The following MAPK10 variants were observed in gnomAD, a reference collection of about 807,000 sequenced individuals.
The protein encoded by MAPK10 is mitogen-activated protein kinase 10, also known as JNK3 alpha protein kinase.
MAPK10 carries 25 observed loss-of-function variants against 59.3 expected under a neutral mutation model. The observed-to-expected ratio is 0.42, with a 90% CI of 0.31 to 0.59. The LOEUF is 0.59. MAPK10 is among the 20% of genes least tolerant of loss of function. MAPK10 has a pLI of 0.15. For missense variants in MAPK10, 351 were observed against 568.9 expected (o/e 0.62, Z 3.90); for synonymous variants, 190 against 200.5 (o/e 0.95, Z 0.44).
intron 4 of MAPK10, among the ~76,000 whole-genome samples, chr4:86,156,665 C>T (rs1380106790): frequency 2.0e-5 from 3 of 151,990 alleles, no homozygotes; most frequent in Admixed American, 1.3e-4. Flanking sequence ...TGTTCCTTGG[C>T]TTGGCAAGAA....
chr4:86,591,095 T>C (rs1236152970), intron 1 of MAPK10, among the ~76,000 whole-genome samples: 1 of 151,954 alleles, frequency 6.6e-6, no homozygotes, highest in Non-Finnish European at 1.5e-5. Flanking sequence ...TATGTATTTA[T>C]TTTTTTTAAA....
At chr4:86,169,928 G>T (rs1420363120) in intron 3 of MAPK10, among the ~76,000 whole-genome samples, 2 of 152,114 alleles carry the variant, frequency 1.3e-5, no homozygotes, top group Non-Finnish European at 2.9e-5. Context: ...TTAAAGAAAA[G>T]AATTTCAACC....
At chr4:86,154,922 A>G (rs1408528476) in intron 4 of MAPK10, among the ~76,000 whole-genome samples, 1 of 152,090 alleles carries the variant, frequency 6.6e-6, no homozygotes, top group Non-Finnish European at 1.5e-5. Context: ...AGCAAGAAAT[A>G]TATATTAAAT....
intron 1 of MAPK10, among the ~76,000 whole-genome samples, chr4:86,491,833 C>T (rs1041782704): frequency 5.3e-5 from 8 of 152,034 alleles, no homozygotes; most frequent in African/African-American, 1.9e-4. Flanking sequence ...CAAAAGAAAA[C>T]TGGTGTGTGT....
intron 2 of MAPK10, among the ~76,000 whole-genome samples, chr4:86,239,399 T>G (rs2092543333): frequency 6.6e-6 from 1 of 152,188 alleles, no homozygotes; most frequent in Non-Finnish European, 1.5e-5. Flanking sequence ...TTTCAATTGT[T>G]TGGAATAGTT....
intron 1 of MAPK10, among the ~76,000 whole-genome samples, chr4:86,591,030 A>G (rs982268946): frequency 3.3e-5 from 5 of 152,184 alleles, no homozygotes; most frequent in African/African-American, 1.2e-4. Context: ...GTCCACTACA[A>G]ATTATATCAT....
intron 2 of MAPK10, among the ~76,000 whole-genome samples, chr4:86,295,742 TTA>T (rs1450197895): frequency 7.0e-6 from 1 of 143,854 alleles, no homozygotes; most frequent in African/African-American, 2.7e-5. Flanking sequence ...ATATATAAAT[TTA>T]TATATATTTT....
intron 1 of MAPK10, among the ~76,000 whole-genome samples, chr4:86,367,662 T>C (rs908000636): frequency 6.6e-6 from 1 of 151,940 alleles, no homozygotes; most frequent in Admixed American, 6.6e-5. Flanking sequence ...TTTTTTTTTT[T>C]GTTTTGTTTT....
intron 11 of MAPK10, among the ~76,000 whole-genome samples, chr4:86,049,078 T>C (rs1342755652): frequency 6.6e-6 from 1 of 152,064 alleles, no homozygotes; most frequent in African/African-American, 2.4e-5. Context: ...ATATGAGATG[T>C]TTATCAGAAA....
chr4:86,394,478 G>A (rs938404642), intron 1 of MAPK10, among the ~76,000 whole-genome samples: 4 of 151,910 alleles, frequency 2.6e-5, no homozygotes, highest in African/African-American at 7.3e-5. Context: ...TTTACCCTTT[G>A]TTTAAATTAA....
At chr4:86,529,400 T>C (rs749021101) in intron 1 of MAPK10, among the ~76,000 whole-genome samples, 1 of 152,132 alleles carries the variant, frequency 6.6e-6, no homozygotes, top group Non-Finnish European at 1.5e-5. Context: ...GAGGAGGCCA[T>C]TGTCACCGGC....
At chr4:86,214,635 A>G (rs2148617150) in intron 2 of MAPK10, among the ~76,000 whole-genome samples, 1 of 152,182 alleles carries the variant, frequency 6.6e-6, no homozygotes, top group South Asian at 2.1e-4. Context: ...ACAATCTGAA[A>G]AGGAAATTAT....
intron 1 of MAPK10, among the ~76,000 whole-genome samples, chr4:86,419,275 T>C (rs550597530): frequency 7.6e-4 from 116 of 152,338 alleles, no homozygotes; most frequent in Non-Finnish European, 1.3e-3. Flanking sequence ...ATCAATTGTA[T>C]TGGTTTTGCT....
At chr4:86,074,645 A>C (rs963759762) in intron 9 of MAPK10, among the ~76,000 whole-genome samples, 6 of 135,662 alleles carry the variant, frequency 4.4e-5, no homozygotes, top group African/African-American at 1.8e-4. Context: ...TTTCTCCTTC[A>C]CTTATGAAGC....
intron 4 of MAPK10, among the ~76,000 whole-genome samples, chr4:86,121,288 C>T (rs1198397373): frequency 2.0e-5 from 3 of 152,102 alleles, no homozygotes; most frequent in Non-Finnish European, 1.5e-5. Flanking sequence ...AGGGCTTGTT[C>T]CTCATAGAAG....
intron 4 of MAPK10, among the ~76,000 whole-genome samples, chr4:86,146,795 A>G (rs974734414): frequency 2.0e-5 from 3 of 152,172 alleles, no homozygotes; most frequent in African/African-American, 7.2e-5. Context: ...CTGTTGGTCA[A>G]TTTGTCACAG....
At chr4:86,321,862 A>G (rs570552740) in intron 2 of MAPK10, 4 of 147,600 alleles carry the variant, frequency 2.7e-5, no homozygotes, top group African/African-American at 7.4e-5. Context: ...AAATTTTTAA[A>G]TTTTTTTTTT....
intron 1 of MAPK10, among the ~76,000 whole-genome samples, chr4:86,475,333 C>T (rs539876059): frequency 1.1e-4 from 17 of 152,276 alleles, no homozygotes; most frequent in African/African-American, 4.1e-4. Context: ...CTCGGGTCCT[C>T]AGACCGACCA....
intron 1 of MAPK10, among the ~76,000 whole-genome samples, chr4:86,576,984 G>T (rs1452613794): frequency 1.3e-5 from 2 of 152,090 alleles, no homozygotes; most frequent in Non-Finnish European, 2.9e-5. Context: ...TGAGGTAAAA[G>T]AATTTCCAAC....
Sources: allele counts gnomAD v4.1 joint callset (sites outside exome capture counted in the v4.1 genomes callset), GRCh38; gene constraint gnomAD v4.1.1; transcripts MANE v1.5; gene names NCBI Gene and HGNC (gene_info 2026-07-23, HGNC 2026-07-21).